KIRREL3: variants seen among roughly 807,000 people sequenced by gnomAD.
KIRREL3 encodes the protein kin of IRRE-like protein 3.
KIRREL3 carries 36 observed loss-of-function variants against 89.7 expected under a neutral mutation model. That is an observed-to-expected ratio of 0.40 (90% CI 0.31 to 0.53). KIRREL3 has a LOEUF of 0.53. Among genes scored for constraint, KIRREL3 ranks in the 20% least tolerant of loss-of-function variants. The pLI is 0.49. For synonymous variants in KIRREL3, 445 were observed against 441.4 expected (o/e 1.01, Z -0.10); for missense variants, 864 against 1,056.6 (o/e 0.82, Z 2.53).
chr11:126,801,769 A>G (rs1951041575), intron 1 of KIRREL3, among the ~76,000 whole-genome samples: 1 of 152,162 alleles, frequency 6.6e-6, no homozygotes, highest in Non-Finnish European at 1.5e-5. Flanking sequence ...CTTAGTTAAT[A>G]TTTGTTTGAA....
At chr11:126,661,233 A>G (rs572970971) in intron 1 of KIRREL3, among the ~76,000 whole-genome samples, 94 of 151,982 alleles carry the variant, frequency 6.2e-4, no homozygotes, top group South Asian at 2.7e-3. Flanking sequence ...AAAAATAGCA[A>G]CTAGCAGAGG....
At chr11:126,753,515 A>G (rs1258578484) in intron 1 of KIRREL3, among the ~76,000 whole-genome samples, 1 of 152,246 alleles carries the variant, frequency 6.6e-6, no homozygotes, top group Non-Finnish European at 1.5e-5. Context: ...ATAAAAGACA[A>G]TTGTGGGGGA....
chr11:126,511,416 T>G (rs1477824620), intron 4 of KIRREL3, among the ~76,000 whole-genome samples: 1 of 151,950 alleles, frequency 6.6e-6, no homozygotes. Flanking sequence ...CTCTCTCCAC[T>G]GGACCTACAA....
At chr11:126,665,141 A>G (rs1027700437) in intron 1 of KIRREL3, among the ~76,000 whole-genome samples, 2 of 152,190 alleles carry the variant, frequency 1.3e-5, no homozygotes, top group Non-Finnish European at 2.9e-5. Context: ...GTGAGGCTCA[A>G]CACTGTTACT....
intron 1 of KIRREL3, among the ~76,000 whole-genome samples, chr11:126,751,184 C>T (rs1004556049): frequency 1.3e-5 from 2 of 152,170 alleles, no homozygotes; most frequent in African/African-American, 4.8e-5. Flanking sequence ...TGAACTTCCC[C>T]CTCAGCTCAT....
Position 126,652,788 on chromosome 11 carries a change from A to T in KIRREL3, c.56-89876T>A. 6.6e-6 allele frequency: 1 copy of T among 152,078 alleles called. No homozygotes were observed. The highest frequency in any genetic ancestry group is 1.9e-4 in the East Asian group (1 of 5,190). The allele number at this position is 152,078 out of a possible 1,614,324, so 9.4% of individuals were successfully genotyped here. A position where few individuals can be genotyped will look rare whatever the true frequency, so the allele number is the denominator to read the frequency against. The stretch of plus-strand genomic sequence containing the variant: ...CAGATTTTCACTTTCCAGGCAATTC[A>T]CCAGGACAGAGGCCTTTCAACTTTC... On this transcript the variant is annotated intron_variant, in intron 1 of 16. Coordinates refer to ENST00000525144, the MANE Select transcript of KIRREL3 (RefSeq NM_032531.4). This position sits in a 1 kb window ranked among gnomAD's most constrained non-coding sequence, Gnocchi z 4.9.
chr11:126,919,826 G>T (rs574619627), intron 1 of KIRREL3, among the ~76,000 whole-genome samples: 1 of 152,176 alleles, frequency 6.6e-6, no homozygotes, highest in Non-Finnish European at 1.5e-5. Context: ...GGATTTGCTG[G>T]AGCAGGCCTG....
At chr11:126,957,113 A>T (rs1948944561) in intron 1 of KIRREL3, among the ~76,000 whole-genome samples, 1 of 152,218 alleles carries the variant, frequency 6.6e-6, no homozygotes, top group Admixed American at 6.5e-5. Flanking sequence ...GAATTAACAG[A>T]GTTCAGCCCT....
At chr11:126,698,460 G>A (rs913654519) in intron 1 of KIRREL3, among the ~76,000 whole-genome samples, 2 of 152,216 alleles carry the variant, frequency 1.3e-5, no homozygotes, top group East Asian at 1.9e-4. Flanking sequence ...CTCATCTGCC[G>A]GCTTGTCTTA....
Position 126,528,120 on chromosome 11 carries a change from C to T in KIRREL3, c.134-1433G>A, listed in dbSNP as rs1026524293. On this transcript the variant is annotated intron_variant, in intron 2 of 16. Coordinates refer to ENST00000525144, the MANE Select transcript of KIRREL3 (RefSeq NM_032531.4). This position sits in a 1 kb window ranked among gnomAD's most constrained non-coding sequence, Gnocchi z 4.6. ...TTAGAGCAGGGGTTTGAGCAGGGGC[C>T]CATCTGCATTCCAAGCCCTCCCTTT... Among the ~76,000 whole-genome samples the T allele has an allele frequency of 8.5e-5, 13 of 152,182 alleles. No individual in the cohort carries two copies. The highest frequency in any genetic ancestry group is 3.1e-4 in the African/African-American group (13 of 41,434).
chr11:126,726,042 G>A (rs1019212403), intron 1 of KIRREL3, among the ~76,000 whole-genome samples: 1 of 152,144 alleles, frequency 6.6e-6, no homozygotes, highest in Admixed American at 6.5e-5. Flanking sequence ...GGAAACATGT[G>A]GACTGCAGTG....
Position 126,486,788 on chromosome 11 carries a change from T to C in KIRREL3, c.434-13322A>G, listed in dbSNP as rs767157296. On this transcript the variant is annotated intron_variant, in intron 4 of 16. Transcript: ENST00000525144. This position sits in a 1 kb window ranked among gnomAD's most constrained non-coding sequence, Gnocchi z 6.2. ...CCACTCAGTCCTAACTGCGGTACCA[T>C]AGGCTGTGCTAGCAGGAGGATCTGC... 1.3e-5 allele frequency among the ~76,000 whole-genome samples: 2 copies of C among 152,210 alleles called. No homozygotes were observed. The highest frequency in any genetic ancestry group is 2.4e-5 in the African/African-American group (1 of 41,462).
chr11:126,847,089 A>G (rs764778622), intron 1 of KIRREL3, among the ~76,000 whole-genome samples: 2 of 152,232 alleles, frequency 1.3e-5, no homozygotes, highest in African/African-American at 2.4e-5. Context: ...AGATTTATCT[A>G]TAAGCTTTTA....
rs184507352 is a variant in KIRREL3, at chr11:126,605,998, C to A, written c.56-43086G>T. 6.6e-6 allele frequency among the ~76,000 whole-genome samples: 1 copy of A among 152,156 alleles called. No homozygotes were observed. The highest frequency in any genetic ancestry group is 2.4e-5 in the African/African-American group (1 of 41,436). ...TGAGCCATAGTGTGGTCCAGAGGGA[C>A]GCAGGCCATCTTGGGAAGGAATCCC... On this transcript the variant is annotated intron_variant, in intron 1 of 16. Coordinates refer to ENST00000525144, the MANE Select transcript of KIRREL3 (RefSeq NM_032531.4). This position sits in a 1 kb window ranked among gnomAD's most constrained non-coding sequence, Gnocchi z 5.7.
Position 126,965,321 on chromosome 11 carries a change from C to T in KIRREL3, c.55+35134G>A, listed in dbSNP as rs1010355540. Among the ~76,000 whole-genome samples, 16 of 152,160 alleles carry T rather than the reference C, an allele frequency of 1.1e-4. No homozygotes were observed. The highest frequency in any genetic ancestry group is 3.8e-4 in the East Asian group (2 of 5,198). Reference sequence around the variant, plus strand: ...ATTGCTTATTTACAGAGATGCTTTTCGGCATTTACCCATGATAAACTCTAC... The same window carrying T: ...ATTGCTTATTTACAGAGATGCTTTTTGGCATTTACCCATGATAAACTCTAC... On this transcript the variant is annotated intron_variant, in intron 1 of 16. Transcript: ENST00000525144. This position sits in a 1 kb window ranked among gnomAD's most constrained non-coding sequence, Gnocchi z 4.4.
Position 126,620,395 on chromosome 11 carries a change from G to A in KIRREL3, c.56-57483C>T, listed in dbSNP as rs1038866208. Among the ~76,000 whole-genome samples the A allele has an allele frequency of 6.6e-6, 1 of 152,154 alleles. No homozygotes were observed. The highest frequency in any genetic ancestry group is 6.5e-5 in the Admixed American group (1 of 15,270). ...TTTCACCAGCCCAGGATTCTGAGGG[G>A]CTGTGAATTCCAAGGACATCCATTA... On this transcript the variant is annotated intron_variant, in intron 1 of 16. Coordinates refer to ENST00000525144, the MANE Select transcript of KIRREL3 (RefSeq NM_032531.4). This position sits in a 1 kb window ranked among gnomAD's most constrained non-coding sequence, Gnocchi z 4.8.
chr11:126,838,956 C>T (rs1943867084), intron 1 of KIRREL3, among the ~76,000 whole-genome samples: 1 of 152,168 alleles, frequency 6.6e-6, no homozygotes, highest in Non-Finnish European at 1.5e-5. Context: ...GGCCTGTAAA[C>T]AGTGCTGTGG....
chr11:126,457,122 G>A (rs976526141), intron 6 of KIRREL3, among the ~76,000 whole-genome samples: 1 of 151,930 alleles, frequency 6.6e-6, no homozygotes, highest in Non-Finnish European at 1.5e-5. Context: ...AGAAGGGACC[G>A]GAGGCCGACA....
intron 1 of KIRREL3, among the ~76,000 whole-genome samples, chr11:126,856,030 C>G (rs1365956341): frequency 6.6e-6 from 1 of 152,122 alleles, no homozygotes; most frequent in Non-Finnish European, 1.5e-5. Context: ...CTAGTATTTC[C>G]CAAAGTTGGT....
Sources: gnomAD v4.1 joint callset for allele counts (sites outside exome capture counted in the v4.1 genomes callset) on GRCh38, gnomAD v4.1.1 for gene constraint, Gnocchi (gnomAD v3.1) non-coding constraint, MANE v1.5 for transcripts, NCBI Gene and HGNC (gene_info 2026-07-23, HGNC 2026-07-21) for gene names.